Variants in RTN3 observed in about 807,000 individuals in gnomAD.
RTN3 encodes the protein reticulon-3.
A neutral mutation model predicts 77.8 loss-of-function variants in RTN3; 49 were observed. The observed-to-expected ratio is 0.63, with a 90% CI of 0.50 to 0.80. RTN3 has a LOEUF of 0.80. Ranked by LOEUF, RTN3 falls within the 30% of genes least tolerant of loss-of-function variation. The pLI is 0.00. For synonymous variants in RTN3, 464 were observed against 446.9 expected (o/e 1.04, Z -0.48); for missense variants, 1,236 against 1,211.9 (o/e 1.02, Z -0.29).
chr11:63,709,669 C>T (rs879872434), intron 2 of RTN3, among the ~76,000 whole-genome samples: 1 of 151,798 alleles, frequency 6.6e-6, no homozygotes, highest in Non-Finnish European at 1.5e-5. Flanking sequence ...TGTCTGCTGG[C>T]TAACTTCCTA....
intron 3 of RTN3, among the ~76,000 whole-genome samples, chr11:63,746,671 C>T (rs555658012): frequency 6.5e-4 from 99 of 152,134 alleles, no homozygotes; most frequent in Non-Finnish European, 1.2e-3. Context: ...CCCGCCACCA[C>T]GCCCAGCTAG....
At chr11:63,752,260 A>C (rs1343900541) in intron 4 of RTN3, among the ~76,000 whole-genome samples, 3 of 152,012 alleles carry the variant, frequency 2.0e-5, no homozygotes, top group Non-Finnish European at 2.9e-5. Flanking sequence ...TGAGGTAGTA[A>C]AAGTGACACA....
chr11:63,733,191 C>T (rs912128250), intron 3 of RTN3, among the ~76,000 whole-genome samples: 1 of 151,702 alleles, frequency 6.6e-6, no homozygotes, highest in Non-Finnish European at 1.5e-5. Context: ...CAGTGGCTCA[C>T]GCCTGTAATC....
chr11:63,738,355 A>C (rs75749294), intron 3 of RTN3, among the ~76,000 whole-genome samples: 5,035 of 152,236 alleles, frequency 0.033, 115 homozygotes, highest in South Asian at 0.11. Context: ...TAAAAAATGA[A>C]GTGGCTGGGT....
chr11:63,718,398 G>A (rs1053988804), intron 2 of RTN3, among the ~76,000 whole-genome samples: 2 of 152,030 alleles, frequency 1.3e-5, no homozygotes, highest in Non-Finnish European at 2.9e-5. Flanking sequence ...CAATCTTACC[G>A]CCCTTCTTTA....
Position 63,720,370 on chromosome 11 carries a change from C to T in RTN3, c.1868C>T (p.Thr623Ile), listed in dbSNP as rs767630499. 3.0e-5 allele frequency: 49 copies of T among 1,613,852 alleles called. No individual in the cohort carries two copies. The South Asian group carries it at 4.2e-4, about 14-fold the overall frequency. The change falls in exon 3 of 9, where the codon ACA becomes ATA. Residue 623 changes from threonine (T) to isoleucine (I), a missense_variant. Thr to Ile is a moderately conservative substitution (Grantham distance 89). Transcript: ENST00000377819. ...STVSPNVFNE[T>I]EFSLNVTTSA... ...GTGTCTCCAAATGTTTTTAATGAGA[C>T]AGAATTCTCATTAAATGTGACAACA...
intron 3 of RTN3, among the ~76,000 whole-genome samples, chr11:63,734,636 G>A (rs1209261944): frequency 1.3e-5 from 2 of 151,882 alleles, no homozygotes; most frequent in East Asian, 3.9e-4. Flanking sequence ...GGAGGCTGAG[G>A]CAGGAGAATT....
intron 8 of RTN3, among the ~76,000 whole-genome samples, chr11:63,757,873 G>T (rs1254718782): frequency 1.3e-5 from 2 of 151,938 alleles, no homozygotes; most frequent in African/African-American, 4.8e-5. Context: ...GGGATTACAG[G>T]TGCACACCAA....
chr11:63,735,425 A>G (rs1049362991), intron 3 of RTN3, among the ~76,000 whole-genome samples: 1 of 152,238 alleles, frequency 6.6e-6, no homozygotes, highest in African/African-American at 2.4e-5. Flanking sequence ...GAGAGAAGCT[A>G]AAGAATGACT....
chr11:63,748,412 A>G (rs1311736636), intron 3 of RTN3, among the ~76,000 whole-genome samples: 1 of 147,948 alleles, frequency 6.8e-6, no homozygotes, highest in African/African-American at 2.5e-5. Context: ...CAGTGGCACG[A>G]TGTTGGCTCA....
intron 1 of RTN3, among the ~76,000 whole-genome samples, chr11:63,694,052 C>A (rs954513079): frequency 6.6e-6 from 1 of 151,798 alleles, no homozygotes. Context: ...CCCTCAAGGT[C>A]GAGGCTGCAG....
chr11:63,752,577 C>T lies in RTN3; in HGVS notation c.2809C>T (p.His937Tyr). 1 of 1,611,416 alleles carries T rather than the reference C, an allele frequency of 6.2e-7. No individual in the cohort carries two copies. Among genetic ancestry groups the T allele is most frequent in the Non-Finnish European group, 8.5e-7 (1 of 1,177,566 alleles). ...TAATTACATGAATGCTGCCATGGTGCACATCAACAGGGCCCTGAAACTCAT... is the reference window on the plus strand; with the variant it reads ...TAATTACATGAATGCTGCCATGGTGTACATCAACAGGGCCCTGAAACTCAT... The part of the protein sequence containing the change: ...FHNYMNAAMV[H>Y]INRALKLIIR... Residue 937 changes from histidine to tyrosine, a missense_variant, in exon 5 of 9, where the codon CAC becomes TAC. His to Tyr is a moderately conservative substitution (Grantham distance 83). Around this residue, in one of 3 missense-constraint regions of RTN3, gnomAD observed 141 missense variants for 154.9 expected, o/e 0.91. Transcript: ENST00000377819.
rs1291992766 is a variant in RTN3 at position 63,723,270 on chromosome 11, A to T, written c.2530+2238A>T. ...CAAGAAGTTTAAAGGCCTTTCTTGC[A>T]GCTTTCAAAAGTGAAAACCTTTTAA... On this transcript the variant is annotated intron_variant, in intron 3 of 8. Transcript: ENST00000377819. Among the ~76,000 whole-genome samples the T allele has an allele frequency of 6.6e-5, 10 of 152,192 alleles. No homozygotes were observed. The East Asian group carries it at 1.9e-3, about 29-fold the overall frequency.
rs767327169 is a variant in RTN3, at chr11:63,718,914, A to C, written c.412A>C (p.Asn138His). Residue 138 changes from asparagine to histidine, a missense_variant, in exon 3 of 9, where the codon AAC (asparagine) becomes CAC (histidine). This residue lies in a region of RTN3 where 1,056 missense variants were observed against 990.4 expected (regional missense o/e 1.07). Coordinates refer to ENST00000377819, the MANE Select transcript of RTN3 (RefSeq NM_001265589.2). ...KKMEKPQGTS[N>H]NVSDSSVSLA... ...GATGGAAAAGCCTCAGGGGACCAGC[A>C]ACAACGTATCAGACTCTTCAGTTTC... The C allele has an allele frequency of 5.0e-6, 8 of 1,614,212 alleles. No individual in the cohort carries two copies. Among genetic ancestry groups the C allele is most frequent in the Non-Finnish European group, 5.9e-6 (7 of 1,180,032 alleles).
At chr11:63,735,011 A>C (rs1278830730) in intron 3 of RTN3, among the ~76,000 whole-genome samples, 3 of 152,118 alleles carry the variant, frequency 2.0e-5, no homozygotes, top group African/African-American at 7.2e-5. Context: ...TTATATATTA[A>C]TAGCAAAATT....
chr11:63,716,135 T>C (rs1056895848), intron 2 of RTN3, among the ~76,000 whole-genome samples: 1 of 152,094 alleles, frequency 6.6e-6, no homozygotes, highest in African/African-American at 2.4e-5. Flanking sequence ...CAGATTACAG[T>C]TATACTATTT....
At chr11:63,727,114 C>T (rs1289435486) in intron 3 of RTN3, among the ~76,000 whole-genome samples, 1 of 152,066 alleles carries the variant, frequency 6.6e-6, no homozygotes, top group Non-Finnish European at 1.5e-5. Context: ...CGCACCACTG[C>T]ACTCCAGCCT....
rs533121650 is a variant in RTN3 at position 63,726,872 on chromosome 11, A to C, written c.2530+5840A>C. Among the ~76,000 whole-genome samples the C allele has an allele frequency of 7.0e-5, 6 of 85,640 alleles. No homozygotes were observed. The South Asian group carries it at 2.3e-3, about 33-fold the overall frequency. The allele number at this position is 85,640 out of a possible 152,430, so 56.2% of individuals were successfully genotyped here. On this transcript the variant is annotated intron_variant, in intron 3 of 8. Transcript: ENST00000377819. ...GTAAGACTCCGTCTGAAAAAAAAAA[A>C]AAAAAAGAAGAAGTGAGCCGAGTTT...
intron 3 of RTN3, among the ~76,000 whole-genome samples, chr11:63,733,385 A>G (rs540563792): frequency 3.3e-5 from 5 of 152,214 alleles, no homozygotes; most frequent in African/African-American, 9.6e-5. Flanking sequence ...GCTACTTGGG[A>G]GGCTGAGGCA....
Sources: gnomAD v4.1 joint callset for allele counts (sites outside exome capture counted in the v4.1 genomes callset) on GRCh38, gnomAD v4.1.1 for gene constraint, gnomAD v4.1.1 regional missense constraint, MANE v1.5 for transcripts, NCBI Gene and HGNC (gene_info 2026-07-23, HGNC 2026-07-21) for gene names.